Variants in UNC5A observed in about 807,000 individuals in gnomAD.
UNC5A encodes unc-5 netrin receptor A.
UNC5A carries 20 observed loss-of-function variants against 87.4 expected under a neutral mutation model. The observed-to-expected ratio is 0.23, with a 90% CI of 0.16 to 0.33. The LOEUF (loss-of-function observed/expected upper bound fraction) is 0.33. Among genes scored for constraint, UNC5A ranks in the 10% least tolerant of loss-of-function variants. UNC5A has a pLI of 1.00. For missense variants in UNC5A, 844 were observed against 1,133.4 expected, an observed-to-expected ratio of 0.74 and a Z score of 3.67; for synonymous variants, 438 against 482.3, an observed-to-expected ratio of 0.91 and a Z score of 1.20.
intron 1 of UNC5A, among the ~76,000 whole-genome samples, chr5:176,835,580 T>C (rs1306163509): frequency 2.0e-5 from 3 of 152,116 alleles, no homozygotes; most frequent in Non-Finnish European, 4.4e-5. Flanking sequence ...ATGAAACCAA[T>C]GGGCCCTTCA....
intron 1 of UNC5A, among the ~76,000 whole-genome samples, chr5:176,822,248 G>C (rs919611116): frequency 1.3e-5 from 2 of 152,246 alleles, no homozygotes; most frequent in African/African-American, 4.8e-5. Flanking sequence ...GCTCACTTTT[G>C]GCCCCCCTCT....
chr5:176,878,089 C>T lies in UNC5A; in HGVS notation c.1831C>T (p.Arg611Trp), dbSNP rs1203436384. The change falls in exon 11 of 15, where the codon CGG (arginine) becomes TGG (tryptophan). Residue 611 changes from arginine (R) to tryptophan (W), a missense_variant. By Grantham distance (101) the Arg-to-Trp change is moderately radical. Transcript: ENST00000329542. ...VACTSLEYNI[R>W]VYCLHDTHDA... The stretch of plus-strand genomic sequence containing the variant: ...CTGCACCTCCCTCGAGTACAACATC[C>T]GGGTCTACTGCCTGCATGACACCCA... 3 of 1,609,620 alleles carry T rather than the reference C, an allele frequency of 1.9e-6. No homozygotes were observed. Among genetic ancestry groups the T allele is most frequent in the East Asian group, 4.5e-5 (2 of 44,886 alleles).
intron 2 of UNC5A, among the ~76,000 whole-genome samples, chr5:176,864,302 G>A (rs558579664): frequency 4.8e-4 from 73 of 152,308 alleles, no homozygotes; most frequent in African/African-American, 1.5e-3. Context: ...AGCGAACCCC[G>A]GGGCAGGCAG....
chr5:176,831,300 C>T (rs1450151501), intron 1 of UNC5A, among the ~76,000 whole-genome samples: 1 of 152,156 alleles, frequency 6.6e-6, no homozygotes, highest in East Asian at 1.9e-4. Context: ...TATGGGGCTG[C>T]AGCTGGTAAC....
At chr5:176,811,910 G>T (rs1756465405) in intron 1 of UNC5A, among the ~76,000 whole-genome samples, 1 of 152,120 alleles carries the variant, frequency 6.6e-6, no homozygotes, top group Non-Finnish European at 1.5e-5. Flanking sequence ...TGCCAAACCA[G>T]ATTGATCAGA....
intron 9 of UNC5A, 120 bp from the exon 10 acceptor site, chr5:176,877,415 G>A (rs1355861218): frequency 3.7e-6 from 5 of 1,350,716 alleles, no homozygotes; most frequent in African/African-American, 1.5e-5. Context: ...AGCCCCACGT[G>A]GTCCTGCAGC....
intron 1 of UNC5A, among the ~76,000 whole-genome samples, chr5:176,856,659 C>T (rs1488665185): frequency 1.3e-5 from 2 of 152,108 alleles, no homozygotes; most frequent in South Asian, 4.2e-4. Context: ...CAGGAGGAGG[C>T]GACAACTTTG....
rs556943438 is a variant in UNC5A at position 176,858,764 on chromosome 5, A to C, written c.71-3860A>C. Reference sequence around the variant, plus strand: ...GAAGGAAGGAAGGAAGGAAGGAAGGAAGGAAGGAAGGCAAGCAAGCAGGCA... The same window carrying C: ...GAAGGAAGGAAGGAAGGAAGGAAGGCAGGAAGGAAGGCAAGCAAGCAGGCA... On this transcript the variant is annotated intron_variant, in intron 1 of 14. Coordinates refer to ENST00000329542, the MANE Select transcript of UNC5A (RefSeq NM_133369.3). 6.9e-3 allele frequency among the ~76,000 whole-genome samples: 944 copies of C among 136,834 alleles called. 24 individuals carry two copies. Among genetic ancestry groups the C allele is most frequent in the African/African-American group, 0.027 (909 of 33,656 alleles). 89.8% of individuals were successfully genotyped at this position (136,834 alleles called of 152,430 possible).
chr5:176,824,826 C>G lies in UNC5A; in HGVS notation c.70+14006C>G, dbSNP rs1458299534. ...GTGTACCCCCTACCTTGTGTACTCT[C>G]TGTCCCAGGCACTCTCACCACTCCG... On this transcript the variant is annotated intron_variant, in intron 1 of 14. Coordinates refer to ENST00000329542, the MANE Select transcript of UNC5A (RefSeq NM_133369.3). This position sits in a 1 kb window ranked among gnomAD's most constrained non-coding sequence, Gnocchi z 4.2. 6.7e-6 allele frequency among the ~76,000 whole-genome samples: 1 copy of G among 149,818 alleles called. No homozygotes were observed. The highest frequency in any genetic ancestry group is 2.0e-4 in the East Asian group (1 of 5,064).
At chr5:176,847,450 A>G (rs1449478943) in intron 1 of UNC5A, among the ~76,000 whole-genome samples, 1 of 152,152 alleles carries the variant, frequency 6.6e-6, no homozygotes, top group African/African-American at 2.4e-5. Flanking sequence ...GCTTTCCTCA[A>G]TTCATTAAGA....
In UNC5A at chr5:176,835,223, T is replaced by G. The variant is rs115504275; in HGVS notation, c.70+24403T>G. ...TACACCTGGAGGTGAACATTGGCAC[T>G]GGTGTGACTGAGGAGATATATGCCC... On this transcript the variant is annotated intron_variant, in intron 1 of 14. Coordinates refer to ENST00000329542, the MANE Select transcript of UNC5A (RefSeq NM_133369.3). Among the ~76,000 whole-genome samples the G allele has an allele frequency of 5.7e-3, 865 of 152,358 alleles. 9 individuals carry two copies. The highest frequency in any genetic ancestry group is 0.02 in the African/African-American group (822 of 41,594).
At chr5:176,856,447 G>A (rs1037996626) in intron 1 of UNC5A, among the ~76,000 whole-genome samples, 1 of 152,022 alleles carries the variant, frequency 6.6e-6, no homozygotes, top group African/African-American at 2.4e-5. Context: ...GAGGGAAAAA[G>A]CGGTGGTCAT....
intron 1 of UNC5A, among the ~76,000 whole-genome samples, chr5:176,850,910 G>T (rs976212414): frequency 4.6e-5 from 7 of 150,772 alleles, no homozygotes; most frequent in Non-Finnish European, 8.9e-5. Context: ...CATGATTCTG[G>T]AGGCTGTGCT....
chr5:176,860,257 T>C (rs548208062), intron 1 of UNC5A, among the ~76,000 whole-genome samples: 1 of 152,346 alleles, frequency 6.6e-6, no homozygotes, highest in Non-Finnish European at 1.5e-5. Context: ...CAGGGCTTGC[T>C]CTGGCATCCA....
intron 1 of UNC5A, among the ~76,000 whole-genome samples, chr5:176,850,892 G>A (rs1166485842): frequency 6.6e-6 from 1 of 151,038 alleles, no homozygotes; most frequent in Admixed American, 6.6e-5. Context: ...GGACCGGGCT[G>A]CAGCAGGCAT....
Position 176,874,695 on chromosome 5 carries a change from G to A in UNC5A, c.1378+129G>A. ...AGCAAGGAAAGGGGGTGGAGTTTTG[G>A]GGAGAACCCAGTCTTGGCTGGCACC... On this transcript the variant is annotated intron_variant, in intron 8 of 14. Transcript: ENST00000329542. The surrounding 1 kb of genome is among the most constrained non-coding windows in gnomAD (Gnocchi z 7.6). The A allele has an allele frequency of 8.8e-7, 1 of 1,134,126 alleles. No homozygotes were observed. Among genetic ancestry groups the A allele is most frequent in the East Asian group, 2.8e-5 (1 of 35,146 alleles). 70.3% of individuals were successfully genotyped at this position (1,134,126 alleles called of 1,614,324 possible). A position where few individuals can be genotyped will look rare whatever the true frequency, so the allele number is the denominator to read the frequency against.
chr5:176,837,553 C>A (rs1055230575), intron 1 of UNC5A, among the ~76,000 whole-genome samples: 1 of 152,218 alleles, frequency 6.6e-6, no homozygotes, highest in African/African-American at 2.4e-5. Flanking sequence ...GGGTCACCAT[C>A]AGGAAATAGG....
intron 1 of UNC5A, among the ~76,000 whole-genome samples, chr5:176,839,807 CTTTT>C (rs58515865): frequency 1.2e-4 from 15 of 123,884 alleles, no homozygotes; most frequent in East Asian, 6.6e-4. Context: ...CGGCCACTTC[CTTTT>C]TTTTTTTTTT....
intron 1 of UNC5A, among the ~76,000 whole-genome samples, chr5:176,850,983 G>A (rs1757528170): frequency 6.6e-6 from 1 of 152,200 alleles, no homozygotes; most frequent in African/African-American, 2.4e-5. Flanking sequence ...GTGCTCCCAG[G>A]ACTTCCCAGT....
Sources: allele counts gnomAD v4.1 joint callset (sites outside exome capture counted in the v4.1 genomes callset), GRCh38; gene constraint gnomAD v4.1.1; non-coding constraint Gnocchi (gnomAD v3.1); transcripts MANE v1.5; gene names NCBI Gene and HGNC (gene_info 2026-07-23, HGNC 2026-07-21).